Variants in MYH13 observed in about 807,000 individuals in gnomAD.
MYH13 encodes the protein myosin-13.
A neutral mutation model predicts 232.1 loss-of-function variants in MYH13; 177 were observed. That is an observed-to-expected ratio of 0.76 (90% CI 0.67 to 0.86). The LOEUF is 0.86. Ranked by LOEUF, MYH13 falls within the 40% of genes least tolerant of loss-of-function variation. The pLI is 0.00. For synonymous variants in MYH13, 884 were observed against 923.5 expected, an observed-to-expected ratio of 0.96 and a Z score of 0.78; for missense variants, 2,246 against 2,405.9, an observed-to-expected ratio of 0.93 and a Z score of 1.39.
chr17:10,319,846 C>A (rs1422693055), intron 26 of MYH13, among the ~76,000 whole-genome samples: 3 of 152,130 alleles, frequency 2.0e-5, no homozygotes, highest in African/African-American at 4.8e-5. Context: ...ATGCACATCC[C>A]AGTGAAATTG....
intron 2 of MYH13, among the ~76,000 whole-genome samples, chr17:10,366,386 T>G (rs563075854): frequency 1.4e-5 from 2 of 147,182 alleles, no homozygotes; most frequent in East Asian, 3.9e-4. Flanking sequence ...AATCTGTTTT[T>G]TTTTTTTTTT....
chr17:10,309,117 G>A (rs1906394287), intron 35 of MYH13, 117 bp downstream of exon 35: 4 of 1,048,094 alleles, frequency 3.8e-6, no homozygotes, highest in Non-Finnish European at 5.4e-6. Context: ...GAGAAACCGG[G>A]TGCTCCTTCC....
intron 11 of MYH13, among the ~76,000 whole-genome samples, chr17:10,351,655 C>T (rs1451425704): frequency 1.3e-5 from 2 of 152,124 alleles, no homozygotes; most frequent in Non-Finnish European, 1.5e-5. Context: ...GCCTGTCATA[C>T]AGGGAGGGTG....
At chr17:10,371,471 A>C (rs1485093875) in intron 1 of MYH13, among the ~76,000 whole-genome samples, 1 of 152,260 alleles carries the variant, frequency 6.6e-6, no homozygotes, top group Non-Finnish European at 1.5e-5. Context: ...ACAACATTTA[A>C]TTAATACTCT....
chr17:10,345,220 G>A lies in MYH13; in HGVS notation c.1566C>T (p.Cys522=), dbSNP rs758757580. The stretch of plus-strand genomic sequence containing the variant: ...TCTCTACCTTCTCGATGAGCTCGAT[G>A]CAGGCAGCCAGGTCCATTCCGAAGT... ...FIDFGMDLAA[C]IELIEKPMGI... The change falls in exon 15 of 41, where the codon TGC becomes TGT. Residue 522 remains cysteine (C), a synonymous_variant. Coordinates refer to ENST00000252172, the MANE Select transcript of MYH13 (RefSeq NM_003802.3). 1 of 1,614,018 alleles carries A rather than the reference G, an allele frequency of 6.2e-7. No individual in the cohort carries two copies. Among genetic ancestry groups the A allele is most frequent in the Non-Finnish European group, 8.5e-7 (1 of 1,180,006 alleles).
Position 10,325,305 on chromosome 17 carries a change from A to C in MYH13, c.2692-1041T>G, listed in dbSNP as rs572255800. Among the ~76,000 whole-genome samples the C allele has an allele frequency of 9.2e-5, 14 of 152,346 alleles. No homozygotes were observed. In the South Asian group the frequency reaches 2.9e-3, roughly 32 times the overall value. On this transcript the variant is annotated intron_variant, in intron 22 of 40. Transcript: ENST00000252172. ...GCTGACAAAATAGTTTCAAAACATT[A>C]CTATCTTTTAACTTTCATTAAATTT...
intron 29 of MYH13, among the ~76,000 whole-genome samples, chr17:10,315,218 G>A (rs1056245022): frequency 1.3e-5 from 2 of 152,206 alleles, no homozygotes; most frequent in African/African-American, 4.8e-5. Context: ...TGAAGAAGGA[G>A]ATCCAGTGCC....
chr17:10,370,077 C>T (rs1409454401), intron 2 of MYH13, among the ~76,000 whole-genome samples: 1 of 152,200 alleles, frequency 6.6e-6, no homozygotes, highest in Non-Finnish European at 1.5e-5. Context: ...TCCCTGAACC[C>T]ACTCCTGTTA....
chr17:10,351,736 A>T (rs569599510), intron 11 of MYH13, among the ~76,000 whole-genome samples: 1 of 152,294 alleles, frequency 6.6e-6, no homozygotes, highest in Admixed American at 6.5e-5. Flanking sequence ...TTGGTTTTAT[A>T]ATCATGTTGC....
chr17:10,328,887 A>G (rs1344420209), intron 21 of MYH13, among the ~76,000 whole-genome samples: 2 of 152,138 alleles, frequency 1.3e-5, no homozygotes, highest in Non-Finnish European at 2.9e-5. Context: ...CATGTTGGTC[A>G]GGCTGGTCTT....
chr17:10,333,642 C>T (rs1907489115), intron 18 of MYH13, among the ~76,000 whole-genome samples: 1 of 152,174 alleles, frequency 6.6e-6, no homozygotes, highest in South Asian at 2.1e-4. Flanking sequence ...CGCGGTGGCT[C>T]ATGCCTATAA....
intron 27 of MYH13, among the ~76,000 whole-genome samples, chr17:10,316,633 C>T (rs940733850): frequency 2.0e-5 from 3 of 152,122 alleles, no homozygotes; most frequent in African/African-American, 7.2e-5. Flanking sequence ...TGAATAATTG[C>T]AAGCAATACA....
intron 40 of MYH13, 105 bp downstream of exon 40, chr17:10,301,464 C>T (rs1479728706): frequency 7.2e-6 from 11 of 1,535,236 alleles, no homozygotes; most frequent in South Asian, 6.2e-5. Flanking sequence ...ATCTCAGGTA[C>T]CTGCCCTTAT....
chr17:10,332,395 C>T (rs1225934879), intron 19 of MYH13, among the ~76,000 whole-genome samples, 173 bp from the exon 20 acceptor site: 1 of 152,140 alleles, frequency 6.6e-6, no homozygotes, highest in Non-Finnish European at 1.5e-5. Context: ...GGGCTTGAAT[C>T]AGCCCCCTTG....
intron 11 of MYH13, among the ~76,000 whole-genome samples, chr17:10,351,220 C>CAAAAAAAAAAAAAAAAAAAAAAAAA (rs761244522): frequency 1.7e-4 from 12 of 72,680 alleles, no homozygotes; most frequent in South Asian, 5.1e-4. Flanking sequence ...GACTCCATCT[C>CAAAAAAAAAAAAAAAAAAAAAAAAA]AAAAAAAAAA....
chr17:10,308,096 G>A (rs527988594), intron 35 of MYH13, among the ~76,000 whole-genome samples: 14 of 152,170 alleles, frequency 9.2e-5, no homozygotes, highest in South Asian at 4.2e-4. Flanking sequence ...AGGCTGAGGC[G>A]GGCGGATCAC....
At position 10,311,928 on chromosome 17, in the gene MYH13, T is replaced by C. The variant is rs759048237; in HGVS notation, c.4514A>G (p.Glu1505Gly). 3.1e-6 allele frequency: 5 copies of C among 1,613,844 alleles called. No individual in the cohort carries two copies. Among genetic ancestry groups the C allele is most frequent in the African/African-American group, 1.3e-5 (1 of 74,908 alleles). ...CAGCTCACCTTGCAGATTTTTGTTCTCTCGCCTCAGTGTCTCTAACTGGTC... is the reference window on the plus strand; with the variant it reads ...CAGCTCACCTTGCAGATTTTTGTTCCCTCGCCTCAGTGTCTCTAACTGGTC... ...VVDQLETLRR[E>G]NKNLQEEISD... is the part of the protein sequence containing the mutation. The change falls in exon 32 of 41, where the codon GAG becomes GGG. Residue 1505 changes from glutamate to glycine, a missense_variant. Transcript: ENST00000252172.
At chr17:10,310,941 A>T (rs1906487995) in intron 33 of MYH13, among the ~76,000 whole-genome samples, 162 bp downstream of exon 33, 2 of 152,184 alleles carry the variant, frequency 1.3e-5, no homozygotes, top group South Asian at 4.1e-4. Context: ...TAGGAGATAA[A>T]GTAGCAGCCC....
intron 2 of MYH13, among the ~76,000 whole-genome samples, chr17:10,366,122 G>A (rs1384478297): frequency 2.6e-5 from 4 of 151,980 alleles, no homozygotes; most frequent in Non-Finnish European, 5.9e-5. Flanking sequence ...GGAGAAGCCA[G>A]CCTCACTCCT....
Sources: gnomAD v4.1 joint callset for allele counts (sites outside exome capture counted in the v4.1 genomes callset) on GRCh38, gnomAD v4.1.1 for gene constraint, MANE v1.5 for transcripts, NCBI Gene and HGNC (gene_info 2026-07-23, HGNC 2026-07-21) for gene names.